The following IGSF11 variants were observed in gnomAD, a reference collection of about 807,000 sequenced individuals.
The protein encoded by IGSF11 is immunoglobulin superfamily member 11.
Under a neutral mutation model 41.0 loss-of-function variants are expected in IGSF11, and 22 were observed. That is an observed-to-expected ratio of 0.54 (90% CI 0.38 to 0.77). The LOEUF is 0.77. Ranked by LOEUF, IGSF11 falls within the 30% of genes least tolerant of loss-of-function variation. IGSF11 has a pLI of 0.00. For synonymous variants in IGSF11, 219 were observed against 201.3 expected (o/e 1.09, Z -0.74); for missense variants, 444 against 530.8 (o/e 0.84, Z 1.61).
At chr3:118,997,762 C>G (rs1936417526) in intron 1 of IGSF11, among the ~76,000 whole-genome samples, 1 of 152,072 alleles carries the variant, frequency 6.6e-6, no homozygotes, top group Non-Finnish European at 1.5e-5. Flanking sequence ...TCTACTGACC[C>G]TAGATAGCTG....
chr3:118,999,110 A>G lies in IGSF11; in HGVS notation c.52+35421T>C, dbSNP rs184800710. ...TAATATAACTCTAGAATTATACTTT[A>G]AAAAAAAAATCTGACAATACTAATG... On this transcript the variant is annotated intron_variant, in intron 1 of 6. Coordinates refer to ENST00000393775, the MANE Select transcript of IGSF11 (RefSeq NM_001015887.3). Among the ~76,000 whole-genome samples the G allele has an allele frequency of 1.3e-4, 20 of 149,658 alleles. No homozygotes were observed. In the South Asian group the frequency reaches 3.4e-3, roughly 25 times the overall value.
chr3:118,997,434 T>C (rs1936377621), intron 1 of IGSF11, among the ~76,000 whole-genome samples: 1 of 152,186 alleles, frequency 6.6e-6, no homozygotes, highest in Non-Finnish European at 1.5e-5. Flanking sequence ...GACCTAGCAC[T>C]AGATTTGTGG....
chr3:118,991,240 T>C (rs1935763959), intron 1 of IGSF11, among the ~76,000 whole-genome samples: 1 of 152,198 alleles, frequency 6.6e-6, no homozygotes, highest in African/African-American at 2.4e-5. Context: ...AGATATTCTG[T>C]ATCCCCACTA....
At chr3:118,983,239 A>T (rs1934919766) in intron 1 of IGSF11, 1 of 152,220 alleles carries the variant, frequency 6.6e-6, no homozygotes, top group Non-Finnish European at 1.5e-5. Context: ...TGATATTCAC[A>T]ACTAACCCAA....
chr3:119,020,652 T>C (rs1559801994), intron 1 of IGSF11, among the ~76,000 whole-genome samples: 2 of 152,242 alleles, frequency 1.3e-5, no homozygotes, highest in African/African-American at 2.4e-5. Flanking sequence ...AAACCCTCAG[T>C]TGTTCCTTTT....
At chr3:119,129,569 TTTTG>T (rs2077450155) in intron 1 of IGSF11, among the ~76,000 whole-genome samples, 1 of 152,206 alleles carries the variant, frequency 6.6e-6, no homozygotes, top group Non-Finnish European at 1.5e-5. Context: ...TTTTATTAGT[TTTTG>T]TTTGTTTTCT....
chr3:119,118,999 T>C (rs576875537), intron 1 of IGSF11, among the ~76,000 whole-genome samples: 4 of 152,334 alleles, frequency 2.6e-5, no homozygotes, highest in Admixed American at 6.5e-5. Flanking sequence ...CATATCATTA[T>C]TGGCATTTTA....
intron 1 of IGSF11, among the ~76,000 whole-genome samples, chr3:119,127,247 C>T (rs1275614283): frequency 6.6e-6 from 1 of 151,306 alleles, no homozygotes; most frequent in Non-Finnish European, 1.5e-5. Context: ...CAAGTATCAA[C>T]AGCTGAATCA....
chr3:119,144,608 A>C (rs1185875348), intron 1 of IGSF11, among the ~76,000 whole-genome samples: 1 of 152,228 alleles, frequency 6.6e-6, no homozygotes, highest in Non-Finnish European at 1.5e-5. Flanking sequence ...AGATGAATGA[A>C]AACATAACAC....
At chr3:118,904,072 A>C (rs748657817) in intron 6 of IGSF11, among the ~76,000 whole-genome samples, 1 of 152,188 alleles carries the variant, frequency 6.6e-6, no homozygotes, top group Non-Finnish European at 1.5e-5. Context: ...TGGAGACTGG[A>C]GTCATTACAG....
intron 1 of IGSF11, among the ~76,000 whole-genome samples, chr3:118,993,640 G>C (rs904905426): frequency 1.3e-5 from 2 of 152,116 alleles, no homozygotes; most frequent in Admixed American, 6.5e-5. Context: ...AAAATAAAAA[G>C]TTATATATCC....
chr3:118,982,832 A>G (rs998628601), intron 1 of IGSF11, among the ~76,000 whole-genome samples: 10 of 152,204 alleles, frequency 6.6e-5, no homozygotes, highest in African/African-American at 1.2e-4. Context: ...GCACAATGAC[A>G]AACTCGCAGC....
intron 1 of IGSF11, among the ~76,000 whole-genome samples, chr3:119,133,483 A>G (rs903492889): frequency 6.6e-6 from 1 of 152,234 alleles, no homozygotes; most frequent in African/African-American, 2.4e-5. Flanking sequence ...AAATGGATAA[A>G]TTCCTGGACA....
chr3:118,902,742 A>G lies in IGSF11; in HGVS notation c.1074T>C (p.Tyr358=), dbSNP rs780557803. The change falls in exon 7 of 7, where the codon TAT becomes TAC. Residue 358 remains tyrosine (Y), a synonymous_variant. Coordinates refer to ENST00000393775, the MANE Select transcript of IGSF11 (RefSeq NM_001015887.3). ...CCGGGACCAGATGGGTCCCATTAGC[A>G]TAAATGGATGGTATGTTGGCATTGC... The part of the protein sequence containing the change: ...HSGNANIPSI[Y]ANGTHLVPGQ... 27 of 1,613,998 alleles carry G rather than the reference A, an allele frequency of 1.7e-5. No individual in the cohort carries two copies. The highest frequency in any genetic ancestry group is 2.1e-5 in the Non-Finnish European group (25 of 1,179,986).
Position 119,034,697 on chromosome 3 carries a change from C to T in IGSF11, c.-115G>A, listed in dbSNP as rs895484955. On this transcript the variant is annotated 5_prime_UTR_variant, in exon 1 of 7. Transcript: ENST00000393775. Reference sequence around the variant, plus strand: ...AGCCTGGTCCTCCCACACCCAGCGCCGGGCCGCTGTTCCCCGCGCAGAGCT... The same window carrying T: ...AGCCTGGTCCTCCCACACCCAGCGCTGGGCCGCTGTTCCCCGCGCAGAGCT... The T allele has an allele frequency of 6.5e-6, 9 of 1,385,612 alleles. No individual in the cohort carries two copies. Among genetic ancestry groups the T allele is most frequent in the Non-Finnish European group, 7.5e-6 (8 of 1,063,056 alleles). The allele number at this position is 1,385,612 out of a possible 1,614,324, so 85.8% of individuals were successfully genotyped here. A position where few individuals can be genotyped will look rare whatever the true frequency, so the allele number is the denominator to read the frequency against.
At chr3:119,001,464 T>A (rs1936839311) in intron 1 of IGSF11, among the ~76,000 whole-genome samples, 3 of 120,500 alleles carry the variant, frequency 2.5e-5, no homozygotes, top group African/African-American at 9.0e-5. Context: ...GGCCCCAGGT[T>A]TTCTTTTTTT....
At chr3:119,044,482 G>A (rs1410688435) in intron 1 of IGSF11, among the ~76,000 whole-genome samples, 1 of 152,084 alleles carries the variant, frequency 6.6e-6, no homozygotes, top group Admixed American at 6.5e-5. Context: ...TTTGGAAAAA[G>A]TATTTGAGGA....
intron 1 of IGSF11, among the ~76,000 whole-genome samples, chr3:119,113,245 C>T (rs1160758494): frequency 6.6e-6 from 1 of 152,128 alleles, no homozygotes; most frequent in Non-Finnish European, 1.5e-5. Context: ...ACAATTATGC[C>T]TTCCCAATAG....
At chr3:119,141,506 CAA>C (rs2077647703) in intron 1 of IGSF11, among the ~76,000 whole-genome samples, 1 of 149,438 alleles carries the variant, frequency 6.7e-6, no homozygotes, top group Admixed American at 6.7e-5. Flanking sequence ...AAAATATCAA[CAA>C]AATTGAAAAG....
Sources: allele counts gnomAD v4.1 joint callset (sites outside exome capture counted in the v4.1 genomes callset), GRCh38; gene constraint gnomAD v4.1.1; transcripts MANE v1.5; gene names NCBI Gene and HGNC (gene_info 2026-07-23, HGNC 2026-07-21).